The following CEP112 variants were observed in gnomAD, a reference collection of about 807,000 sequenced individuals.
CEP112 encodes centrosomal protein 112, also known as centrosomal protein of 112 kDa.
CEP112 carries 127 observed loss-of-function variants against 153.0 expected under a neutral mutation model. The observed-to-expected ratio is 0.83, with a 90% CI of 0.72 to 0.96. The LOEUF is 0.96. Among genes scored for constraint, CEP112 ranks in the 40% least tolerant of loss-of-function variants. The pLI is 0.00. For synonymous variants in CEP112, 358 were observed against 374.4 expected (o/e 0.96, Z 0.51); for missense variants, 1,089 against 1,101.2 (o/e 0.99, Z 0.16).
chr17:65,949,081 T>C (rs2061735102), intron 18 of CEP112, among the ~76,000 whole-genome samples: 1 of 152,214 alleles, frequency 6.6e-6, no homozygotes, highest in Non-Finnish European at 1.5e-5. Flanking sequence ...TGATTTCTTT[T>C]AGAATTTGAG....
At chr17:66,181,571 G>GA (rs755538425) in intron 2 of CEP112, among the ~76,000 whole-genome samples, 3 of 151,946 alleles carry the variant, frequency 2.0e-5, no homozygotes, top group Non-Finnish European at 4.4e-5. Context: ...TAGCCAGGAT[G>GA]GTCTTGATCT....
chr17:66,076,831 C>T (rs1442227658), intron 8 of CEP112, among the ~76,000 whole-genome samples: 1 of 152,210 alleles, frequency 6.6e-6, no homozygotes, highest in Non-Finnish European at 1.5e-5. Context: ...TCTACCAGAA[C>T]AGGTGCTGGT....
intron 12 of CEP112, among the ~76,000 whole-genome samples, chr17:66,040,965 T>G (rs1321073329): frequency 6.6e-6 from 1 of 152,216 alleles, no homozygotes. Context: ...TCATTTTATC[T>G]GCACATTTAA....
chr17:65,684,678 T>C (rs561499278), intron 24 of CEP112, among the ~76,000 whole-genome samples: 1 of 152,388 alleles, frequency 6.6e-6, no homozygotes, highest in Admixed American at 6.5e-5. Flanking sequence ...TATTTTAATC[T>C]GTACCTGCAC....
chr17:65,670,724 C>A (rs1261581890), intron 24 of CEP112, among the ~76,000 whole-genome samples: 1 of 152,112 alleles, frequency 6.6e-6, no homozygotes, highest in Non-Finnish European at 1.5e-5. Context: ...ATACACCGAA[C>A]CAAAAATTTA....
At chr17:65,840,699 G>GC (rs1208580584) in intron 21 of CEP112, among the ~76,000 whole-genome samples, 1 of 151,926 alleles carries the variant, frequency 6.6e-6, no homozygotes. Context: ...TTGACTTTCT[G>GC]CAAGCAAAGA....
Position 65,952,816 on chromosome 17 carries a change from G to A in CEP112, c.1872+8647C>T, listed in dbSNP as rs150652815. ...TATCATCTTAGTCATTCTAATGAAC[G>A]TGTAGTAGCATCTCATTTTGGTTTT... On this transcript the variant is annotated intron_variant, in intron 18 of 26. Transcript: ENST00000535342. Among the ~76,000 whole-genome samples, 81 of 152,284 alleles carry A rather than the reference G, an allele frequency of 5.3e-4. No individual in the cohort carries two copies. The East Asian group carries it at 6.6e-3, about 12-fold the overall frequency.
At chr17:65,996,190 T>A (rs2063786021) in intron 17 of CEP112, among the ~76,000 whole-genome samples, 1 of 151,504 alleles carries the variant, frequency 6.6e-6, no homozygotes, top group South Asian at 2.1e-4. Context: ...TAAATTCCAG[T>A]GTTTCAAAGT....
Position 65,845,983 on chromosome 17 carries a change from C to T in CEP112, c.2394+5821G>A, listed in dbSNP as rs569283956. Among the ~76,000 whole-genome samples, 18 of 152,262 alleles carry T rather than the reference C, an allele frequency of 1.2e-4. 1 individual carries two copies. Among genetic ancestry groups the T allele is most frequent in the Admixed American group, 2.0e-4 (3 of 15,292 alleles). Reference sequence around the variant, plus strand: ...AGGAATTCTTTTATAACCTTAACATCGTAAGTGCTACTGAAACAACACAGA... The same window carrying T: ...AGGAATTCTTTTATAACCTTAACATTGTAAGTGCTACTGAAACAACACAGA... On this transcript the variant is annotated intron_variant, in intron 21 of 26. Transcript: ENST00000535342.
chr17:65,776,603 T>C (rs1275833077), intron 21 of CEP112, among the ~76,000 whole-genome samples: 4 of 152,236 alleles, frequency 2.6e-5, no homozygotes, highest in Non-Finnish European at 4.4e-5. Context: ...GCATGACTTA[T>C]TGAACCATTC....
intron 25 of CEP112, among the ~76,000 whole-genome samples, chr17:65,638,183 T>C (rs1409612056): frequency 6.6e-6 from 1 of 152,182 alleles, no homozygotes; most frequent in African/African-American, 2.4e-5. Context: ...GGAAACTGGG[T>C]TGTTTAGCAT....
chr17:66,035,775 A>G (rs915813705), intron 12 of CEP112, among the ~76,000 whole-genome samples: 1 of 152,212 alleles, frequency 6.6e-6, no homozygotes, highest in Admixed American at 6.5e-5. Flanking sequence ...GGAGACTCAC[A>G]TTGTGAACTT....
chr17:65,907,969 T>C (rs181127745), intron 19 of CEP112, among the ~76,000 whole-genome samples: 16 of 152,214 alleles, frequency 1.1e-4, no homozygotes, highest in Admixed American at 5.9e-4. Flanking sequence ...GTAGAGGACA[T>C]AAAAGCAGAC....
chr17:65,872,943 C>T (rs2058710491), intron 20 of CEP112: 2 of 152,158 alleles, frequency 1.3e-5, no homozygotes, highest in Non-Finnish European at 2.9e-5. Flanking sequence ...CTACTAGTTG[C>T]ATGTTGTACT....
At chr17:65,889,107 C>T (rs2059381368) in intron 20 of CEP112, among the ~76,000 whole-genome samples, 1 of 152,094 alleles carries the variant, frequency 6.6e-6, no homozygotes, top group African/African-American at 2.4e-5. Context: ...ACTGGAGATG[C>T]TGGACTGGTT....
intron 21 of CEP112, among the ~76,000 whole-genome samples, chr17:65,841,310 ACT>A (rs1233978920): frequency 1.3e-5 from 2 of 152,140 alleles, no homozygotes; most frequent in East Asian, 3.9e-4. Context: ...ACAGAGTATG[ACT>A]CAGCTATAAA....
chr17:65,863,649 C>A (rs1333382656), intron 20 of CEP112, among the ~76,000 whole-genome samples: 1 of 149,564 alleles, frequency 6.7e-6, no homozygotes, highest in Non-Finnish European at 1.5e-5. Flanking sequence ...GTCCCAGCTA[C>A]TCGGGAGACC....
intron 12 of CEP112, among the ~76,000 whole-genome samples, chr17:66,050,736 G>A (rs35315369): frequency 0.41 from 62,344 of 151,720 alleles, 14,265 homozygotes; most frequent in East Asian, 0.87. Context: ...AGAGATGCCT[G>A]GAGCCTCTGG....
intron 12 of CEP112, among the ~76,000 whole-genome samples, chr17:66,035,178 GA>G (rs1205263069): frequency 1.3e-5 from 2 of 151,018 alleles, no homozygotes; most frequent in Non-Finnish European, 3.0e-5. Flanking sequence ...TTAAAATGAT[GA>G]AAAAAATTAT....
Sources: allele counts gnomAD v4.1 joint callset (sites outside exome capture counted in the v4.1 genomes callset), GRCh38; gene constraint gnomAD v4.1.1; transcripts MANE v1.5; gene names NCBI Gene and HGNC (gene_info 2026-07-23, HGNC 2026-07-21).